PARD3B: variants seen among roughly 807,000 people sequenced by gnomAD.
The protein encoded by PARD3B is par-3 family cell polarity regulator beta, also known as partitioning defective 3 homolog B.
Under a neutral mutation model 130.2 loss-of-function variants are expected in PARD3B, and 103 were observed. That is an observed-to-expected ratio of 0.79 (90% CI 0.67 to 0.93). The LOEUF is 0.93. PARD3B is among the 40% of genes least tolerant of loss of function. PARD3B has a pLI of 0.00. For missense variants in PARD3B, 1,609 were observed against 1,499.2 expected (o/e 1.07, Z -1.21); for synonymous variants, 583 against 553.2 (o/e 1.05, Z -0.76).
At chr2:204,549,548 G>A (rs1168786965) in intron 1 of PARD3B, among the ~76,000 whole-genome samples, 4 of 152,120 alleles carry the variant, frequency 2.6e-5, no homozygotes, top group African/African-American at 9.7e-5. Flanking sequence ...CTTCCCCCAA[G>A]ATTCTCATTC....
At chr2:205,548,250 A>G (rs1372202957) in intron 21 of PARD3B, among the ~76,000 whole-genome samples, 1 of 152,018 alleles carries the variant, frequency 6.6e-6, no homozygotes, top group Non-Finnish European at 1.5e-5. Flanking sequence ...TTCTGGTACC[A>G]TCTGTATGCT....
At chr2:204,642,579 C>T (rs1011240545) in intron 1 of PARD3B, among the ~76,000 whole-genome samples, 4 of 152,126 alleles carry the variant, frequency 2.6e-5, no homozygotes, top group African/African-American at 7.2e-5. Context: ...GTAGCTATCA[C>T]AACATGCATC....
intron 2 of PARD3B, among the ~76,000 whole-genome samples, chr2:204,734,134 A>G (rs6706540): frequency 0.75 from 113,577 of 152,022 alleles, 42,957 homozygotes; most frequent in East Asian, 0.89. Context: ...CATATTTCCA[A>G]AAAAGATAGA....
At chr2:205,290,531 A>G (rs1205748167) in intron 16 of PARD3B, among the ~76,000 whole-genome samples, 1 of 152,218 alleles carries the variant, frequency 6.6e-6, no homozygotes, top group Admixed American at 6.5e-5. Context: ...CATGAGATGT[A>G]GGACTGAGGC....
chr2:205,429,717 T>TCCC (rs2047263879), intron 19 of PARD3B, among the ~76,000 whole-genome samples: 1 of 152,194 alleles, frequency 6.6e-6, no homozygotes, highest in Admixed American at 6.5e-5. Flanking sequence ...TTAAGGTATT[T>TCCC]ATATTGGTTT....
At chr2:205,184,016 C>G (rs952275054) in intron 13 of PARD3B, among the ~76,000 whole-genome samples, 6 of 152,116 alleles carry the variant, frequency 3.9e-5, no homozygotes, top group Non-Finnish European at 7.4e-5. Flanking sequence ...TGTCCCATGT[C>G]AAAGTCACTC....
chr2:205,355,455 G>A (rs776293823), intron 18 of PARD3B, among the ~76,000 whole-genome samples: 50 of 152,156 alleles, frequency 3.3e-4, no homozygotes, highest in Non-Finnish European at 6.2e-4. Flanking sequence ...ATATCTTTAT[G>A]ATCAAATATC....
chr2:204,782,130 C>T (rs889097342), intron 2 of PARD3B, among the ~76,000 whole-genome samples: 1 of 152,032 alleles, frequency 6.6e-6, no homozygotes, highest in African/African-American at 2.4e-5. Flanking sequence ...TGTAATATCA[C>T]TGGTTTCCTT....
intron 15 of PARD3B, among the ~76,000 whole-genome samples, chr2:205,216,952 G>T (rs190969038): frequency 6.6e-6 from 1 of 151,870 alleles, no homozygotes; most frequent in Non-Finnish European, 1.5e-5. Flanking sequence ...TCTGGCTCTC[G>T]CACCCATATT....
intron 13 of PARD3B, among the ~76,000 whole-genome samples, chr2:205,178,041 C>T (rs927998548): frequency 6.7e-6 from 1 of 149,044 alleles, no homozygotes; most frequent in Non-Finnish European, 1.5e-5. Flanking sequence ...CACAGTGGCT[C>T]ACGCCTGTAA....
chr2:204,605,666 G>A (rs543957899), intron 1 of PARD3B, among the ~76,000 whole-genome samples: 105 of 152,208 alleles, frequency 6.9e-4, no homozygotes, highest in South Asian at 2.1e-3. Flanking sequence ...TTGGTTTTGC[G>A]TGACCTTGGG....
chr2:204,726,759 T>C (rs1301867139), intron 2 of PARD3B, among the ~76,000 whole-genome samples: 1 of 152,206 alleles, frequency 6.6e-6, no homozygotes, highest in African/African-American at 2.4e-5. Context: ...CCCTTCTTGC[T>C]GGAAACTTTT....
intron 2 of PARD3B, among the ~76,000 whole-genome samples, chr2:204,883,455 A>ATATAAAATATATATATATATATATTT (rs1377428928): frequency 7.8e-5 from 6 of 77,280 alleles, no homozygotes; most frequent in Admixed American, 1.8e-4. Context: ...ATATATATAT[A>ATATAAAATATATATATATATATATTT]TTTTTTTTTT....
At chr2:205,593,781 C>T (rs2054475242) in intron 22 of PARD3B, among the ~76,000 whole-genome samples, 1 of 152,190 alleles carries the variant, frequency 6.6e-6, no homozygotes, top group African/African-American at 2.4e-5. Flanking sequence ...GTGGAAATAT[C>T]TGCATAATGC....
chr2:205,334,110 T>G (rs2043228104), intron 18 of PARD3B, among the ~76,000 whole-genome samples: 1 of 152,194 alleles, frequency 6.6e-6, no homozygotes, highest in Non-Finnish European at 1.5e-5. Flanking sequence ...TATGTAAAGA[T>G]CAGTTTCAAC....
chr2:205,534,901 G>C (rs1186210227), intron 21 of PARD3B, among the ~76,000 whole-genome samples: 2 of 152,186 alleles, frequency 1.3e-5, no homozygotes, highest in Non-Finnish European at 2.9e-5. Flanking sequence ...TCATGGCCTA[G>C]CTCTAGAGAG....
intron 1 of PARD3B, among the ~76,000 whole-genome samples, chr2:204,639,146 A>G (rs2034989224): frequency 6.6e-6 from 1 of 152,212 alleles, no homozygotes; most frequent in Non-Finnish European, 1.5e-5. Flanking sequence ...ATGAACAGCA[A>G]AAATCTTTTA....
chr2:205,301,437 G>A lies in PARD3B; in HGVS notation c.2393-27G>A, dbSNP rs1559638035. 1 of 1,585,164 alleles carries A rather than the reference G, an allele frequency of 6.3e-7. No individual in the cohort carries two copies. The highest frequency in any genetic ancestry group is 8.5e-7 in the Non-Finnish European group (1 of 1,169,928). On this transcript the variant is annotated intron_variant, in intron 17 of 22. Transcript: ENST00000406610. This position sits in a 1 kb window ranked among gnomAD's most constrained non-coding sequence, Gnocchi z 5.2. ...CTAACTGAGTGTGCCCCTGACCATG[G>A]GTATTGATTATTTTTTCTCTGTACA...
chr2:205,161,163 T>C (rs555676363), intron 11 of PARD3B, among the ~76,000 whole-genome samples: 2 of 152,336 alleles, frequency 1.3e-5, no homozygotes, highest in East Asian at 3.9e-4. Flanking sequence ...AGCTTTTTTA[T>C]GGGCAATAAC....
Sources: allele counts gnomAD v4.1 joint callset (sites outside exome capture counted in the v4.1 genomes callset), GRCh38; gene constraint gnomAD v4.1.1; non-coding constraint Gnocchi (gnomAD v3.1); transcripts MANE v1.5; gene names NCBI Gene and HGNC (gene_info 2026-07-23, HGNC 2026-07-21).